Variants in ACACA observed in about 807,000 individuals in gnomAD.
ACACA encodes the protein acetyl-CoA carboxylase 1.
A neutral mutation model predicts 296.1 loss-of-function variants in ACACA; 103 were observed. The ratio of observed to expected loss-of-function variants is 0.35; its 90% CI spans 0.30 to 0.41. The LOEUF is 0.41. ACACA is among the 10% of genes least tolerant of loss of function. The pLI, the probability that ACACA is intolerant of heterozygous loss-of-function variation, is 1.00. For missense variants in ACACA, 1,554 were observed against 2,989.7 expected (o/e 0.52, Z 11.20); for synonymous variants, 953 against 1,038.6 (o/e 0.92, Z 1.58).
chr17:37,217,910 G>GA (rs913860047), intron 29 of ACACA, among the ~76,000 whole-genome samples: 28 of 150,014 alleles, frequency 1.9e-4, no homozygotes, highest in Admixed American at 6.6e-4. Flanking sequence ...TATGGGAGGG[G>GA]AAAAAAAAAT....
chr17:37,274,675 T>G lies in ACACA; in HGVS notation c.902-376A>C, dbSNP rs1476457554. On this transcript the variant is annotated intron_variant, in intron 8 of 55. Transcript: ENST00000616317. ...AGGGCCAAGAGGTCTGGGAAATAAT[T>G]CAATCTTTATGAGCCCTTGGAAATA... 3 of 985,260 alleles carry G rather than the reference T, an allele frequency of 3.0e-6. No homozygotes were observed. In the African/African-American group the frequency reaches 5.2e-5, roughly 17 times the overall value. The allele number at this position is 985,260 out of a possible 1,614,324, so 61.0% of individuals were successfully genotyped here.
At position 37,144,371 on chromosome 17, in the gene ACACA, C is replaced by T. The variant is rs79354455; in HGVS notation, c.5679+5493G>A. 2.1e-3 allele frequency: 948 copies of T among 450,512 alleles called. 25 individuals are homozygous for T. In the East Asian group the frequency reaches 0.037, roughly 17 times the overall value. 27.9% of individuals were successfully genotyped at this position (450,512 alleles called of 1,614,324 possible). On this transcript the variant is annotated intron_variant, in intron 45 of 55. Transcript: ENST00000616317. ...TCGCTTGCCCCGGCGCTGTCTCTAT[C>T]GTAACCTCTTTAAGTTATGTGAAAG...
At chr17:37,180,879 T>C (rs1471061708) in intron 40 of ACACA, among the ~76,000 whole-genome samples, 1 of 152,192 alleles carries the variant, frequency 6.6e-6, no homozygotes, top group Non-Finnish European at 1.5e-5. Context: ...ATAATTTGAA[T>C]ATAGACTTGG....
At chr17:37,387,042 C>G (rs2050568772) in intron 1 of ACACA, 1 of 152,394 alleles carries the variant, frequency 6.6e-6, no homozygotes, top group Admixed American at 6.6e-5. Context: ...GTCTCAGACT[C>G]CTGGGCTCAA....
chr17:37,270,719 G>T, intron 10 of ACACA, 32 bp downstream of exon 10: 2 of 1,509,678 alleles, frequency 1.3e-6, no homozygotes, highest in Non-Finnish European at 9.2e-7. Flanking sequence ...ATACATGTTA[G>T]TTCAAACAAA....
chr17:37,131,436 C>T (rs1311621739), intron 45 of ACACA, among the ~76,000 whole-genome samples: 1 of 152,008 alleles, frequency 6.6e-6, no homozygotes, highest in African/African-American at 2.4e-5. Context: ...CTAAGGTAGC[C>T]CCGGAGAGCT....
At chr17:37,297,795 C>A (rs561461491) in intron 3 of ACACA, among the ~76,000 whole-genome samples, 13 of 152,156 alleles carry the variant, frequency 8.5e-5, no homozygotes, top group African/African-American at 2.4e-4. Context: ...AGGTGATCCA[C>A]CCGCCTTGGC....
At chr17:37,396,006 G>A (rs902875921) in intron 1 of ACACA, among the ~76,000 whole-genome samples, 48 of 152,214 alleles carry the variant, frequency 3.2e-4, no homozygotes, top group African/African-American at 1.1e-3. Context: ...CCATATTTGC[G>A]TGTGTATTAA....
At chr17:37,391,551 C>CAA in intron 1 of ACACA, 1 of 1,056,112 alleles carries the variant, frequency 9.5e-7, no homozygotes, top group Non-Finnish European at 1.5e-6. Flanking sequence ...CTTGGAATTA[C>CAA]ATGGGGTTTT....
chr17:37,308,151 T>G (rs535100554), intron 3 of ACACA, among the ~76,000 whole-genome samples: 3 of 152,286 alleles, frequency 2.0e-5, no homozygotes, highest in African/African-American at 7.2e-5. Context: ...CACAATGGAT[T>G]ACACTAAAAA....
chr17:37,385,781 A>G (rs2050499141), intron 1 of ACACA, among the ~76,000 whole-genome samples: 1 of 152,088 alleles, frequency 6.6e-6, no homozygotes, highest in Non-Finnish European at 1.5e-5. Flanking sequence ...CTTTGATCCT[A>G]TGTTAGTTAA....
chr17:37,325,823 C>T (rs529587656), intron 3 of ACACA, among the ~76,000 whole-genome samples: 1 of 151,978 alleles, frequency 6.6e-6, no homozygotes, highest in Non-Finnish European at 1.5e-5. Flanking sequence ...ATCCACCCAC[C>T]TTGGCTTCCT....
chr17:37,378,938 G>A (rs530115103), intron 1 of ACACA, among the ~76,000 whole-genome samples: 65 of 152,166 alleles, frequency 4.3e-4, no homozygotes, highest in African/African-American at 1.4e-3. Flanking sequence ...GCATACACCT[G>A]TAGTCCCATA....
intron 50 of ACACA, among the ~76,000 whole-genome samples, chr17:37,119,469 T>C (rs1286451286): frequency 6.6e-6 from 1 of 152,090 alleles, no homozygotes; most frequent in Non-Finnish European, 1.5e-5. Flanking sequence ...TAATTCACCT[T>C]GATAATCTAA....
At chr17:37,189,230 T>C (rs2077653807) in intron 38 of ACACA, among the ~76,000 whole-genome samples, 2 of 152,250 alleles carry the variant, frequency 1.3e-5, no homozygotes, top group South Asian at 2.1e-4. Flanking sequence ...CAAAACTTTT[T>C]TTCCCCAACA....
chr17:37,143,677 A>AGATG, intron 45 of ACACA: 1 of 889,844 alleles, frequency 1.1e-6, no homozygotes, highest in Non-Finnish European at 1.8e-6. Context: ...TGCTAGAACC[A>AGATG]ACTTATTCAT....
chr17:37,248,265 A>C, intron 17 of ACACA, 109 bp from the exon 18 acceptor site: 1 of 1,367,586 alleles, frequency 7.3e-7, no homozygotes, highest in Non-Finnish European at 1.0e-6. Flanking sequence ...GAGGAAGAAA[A>C]TTCATGGCAC....
chr17:37,337,034 T>C (rs1291269826), intron 2 of ACACA, among the ~76,000 whole-genome samples: 1 of 152,150 alleles, frequency 6.6e-6, no homozygotes, highest in Non-Finnish European at 1.5e-5. Context: ...GGGAACTTGT[T>C]AGAAGTGCAA....
chr17:37,161,946 A>G lies in ACACA; in HGVS notation c.5184T>C (p.Phe1728=), dbSNP rs2076477217. The G allele has an allele frequency of 1.9e-6, 3 of 1,614,202 alleles. No individual in the cohort carries two copies. Among genetic ancestry groups the G allele is most frequent in the South Asian group, 2.2e-5 (2 of 91,082 alleles). Residue 1728 remains phenylalanine, a synonymous_variant, in exon 42 of 56, where the codon TTT becomes TTC. Coordinates refer to ENST00000616317, the MANE Select transcript of ACACA (RefSeq NM_198834.3). ...GNDITYRIGS[F]GPQEDLLFLR... ...GAAATAACAAATCCTCTTGAGGCCC[A>G]AAGGACCCAATTCGGTATGTGATGT... is the stretch of plus-strand genomic sequence containing the variant.
Sources: gnomAD v4.1 joint callset for allele counts (sites outside exome capture counted in the v4.1 genomes callset) on GRCh38, gnomAD v4.1.1 for gene constraint, MANE v1.5 for transcripts, NCBI Gene and HGNC (gene_info 2026-07-23, HGNC 2026-07-21) for gene names.